The following RSRC1 variants were observed in gnomAD, a reference collection of about 807,000 sequenced individuals.
RSRC1 encodes the protein serine/Arginine-related protein 53.
In RSRC1, 39 loss-of-function variants were observed where a neutral mutation model predicts 49.1. The ratio of observed to expected loss-of-function variants is 0.79; its 90% confidence interval spans 0.61 to 1.04. The LOEUF (loss-of-function observed/expected upper bound fraction) is 1.04. RSRC1 is among the 50% of genes least tolerant of loss of function. The pLI is 0.00. For missense variants in RSRC1, 388 were observed against 402.4 expected (o/e 0.96, Z 0.31); for synonymous variants, 143 against 130.8 (o/e 1.09, Z -0.63).
intron 3 of RSRC1, among the ~76,000 whole-genome samples, chr3:158,130,857 G>A (rs981249006): frequency 3.9e-5 from 6 of 152,074 alleles, no homozygotes; most frequent in Non-Finnish European, 8.8e-5. Context: ...TTTGTATCCT[G>A]TAACCTTTCC....
rs1021775943 is a variant in RSRC1, at chr3:158,227,377, T to C, written c.494+24132T>C. On this transcript the variant is annotated intron_variant, in intron 4 of 9. Transcript: ENST00000611884. The stretch of plus-strand genomic sequence containing the variant: ...CTTTCCGCCGATTTTCTTCCTTTGC[T>C]TTCTACCGTTCCTTCCCTTTCTCTC... Among the ~76,000 whole-genome samples, 5 of 151,964 alleles carry C rather than the reference T, an allele frequency of 3.3e-5. No homozygotes were observed. The Admixed American group carries it at 3.3e-4, about 10-fold the overall frequency.
intron 6 of RSRC1, among the ~76,000 whole-genome samples, chr3:158,358,496 T>G (rs565362927): frequency 6.6e-6 from 1 of 152,214 alleles, no homozygotes; most frequent in Non-Finnish European, 1.5e-5. Flanking sequence ...CCATCACCAC[T>G]TGTTCTGTAA....
intron 1 of RSRC1, among the ~76,000 whole-genome samples, chr3:158,120,422 C>T (rs551248113): frequency 3.0e-4 from 46 of 151,682 alleles, no homozygotes; most frequent in East Asian, 2.3e-3. Context: ...GAGGGGCTGG[C>T]TCACCTGATG....
intron 3 of RSRC1, among the ~76,000 whole-genome samples, chr3:158,167,033 C>A (rs1263064412): frequency 8.6e-5 from 13 of 151,990 alleles, no homozygotes; most frequent in African/African-American, 2.9e-4. Context: ...GGATAGAATT[C>A]CCTTTTTTTT....
intron 4 of RSRC1, among the ~76,000 whole-genome samples, chr3:158,272,283 T>C (rs934518609): frequency 6.6e-6 from 1 of 152,096 alleles, no homozygotes; most frequent in African/African-American, 2.4e-5. Flanking sequence ...TAATGTACCA[T>C]TGAAGGCAGG....
At chr3:158,343,657 C>T (rs1364361960) in intron 5 of RSRC1, among the ~76,000 whole-genome samples, 1 of 152,098 alleles carries the variant, frequency 6.6e-6, no homozygotes, top group Non-Finnish European at 1.5e-5. Flanking sequence ...ATTCTAGACA[C>T]GAAGGCTATA....
intron 1 of RSRC1, among the ~76,000 whole-genome samples, chr3:158,118,924 C>T (rs1057239651): frequency 2.0e-5 from 3 of 152,164 alleles, no homozygotes; most frequent in African/African-American, 7.2e-5. Flanking sequence ...CAAGAATCCT[C>T]TTGAGGATAG....
chr3:158,343,933 A>G (rs2108219523), intron 5 of RSRC1, among the ~76,000 whole-genome samples: 1 of 152,266 alleles, frequency 6.6e-6, no homozygotes, highest in East Asian at 1.9e-4. Flanking sequence ...TTTGATAAAA[A>G]CTATAAACCA....
intron 5 of RSRC1, among the ~76,000 whole-genome samples, chr3:158,328,458 G>C (rs1729317958): frequency 6.6e-6 from 1 of 152,140 alleles, no homozygotes; most frequent in South Asian, 2.1e-4. Context: ...GCATTTGCTT[G>C]TCTGTAGAGG....
chr3:158,438,772 G>A (rs1231203692), intron 6 of RSRC1, among the ~76,000 whole-genome samples: 1 of 152,170 alleles, frequency 6.6e-6, no homozygotes, highest in Admixed American at 6.6e-5. Context: ...AGGACTTCAT[G>A]TCTAAAACAG....
At chr3:158,181,303 G>A (rs1038656154) in intron 3 of RSRC1, among the ~76,000 whole-genome samples, 3 of 152,186 alleles carry the variant, frequency 2.0e-5, no homozygotes, top group African/African-American at 7.2e-5. Flanking sequence ...GCATGCTAAG[G>A]ATCCTTTTTG....
At chr3:158,241,483 A>AT (rs946169639) in intron 4 of RSRC1, among the ~76,000 whole-genome samples, 8 of 151,192 alleles carry the variant, frequency 5.3e-5, no homozygotes, top group African/African-American at 9.7e-5. Flanking sequence ...TTATAAAAAT[A>AT]TTTTTTTTAA....
chr3:158,428,873 G>A (rs989680436), intron 6 of RSRC1, among the ~76,000 whole-genome samples: 3 of 151,842 alleles, frequency 2.0e-5, no homozygotes, highest in Non-Finnish European at 2.9e-5. Flanking sequence ...TGCTACTAGC[G>A]AGCACAGCTA....
At chr3:158,521,599 G>T (rs1287010926) in intron 7 of RSRC1, among the ~76,000 whole-genome samples, 3 of 152,092 alleles carry the variant, frequency 2.0e-5, no homozygotes, top group African/African-American at 7.2e-5. Context: ...GGGAAGACTT[G>T]CCTAAGATTA....
intron 4 of RSRC1, among the ~76,000 whole-genome samples, chr3:158,254,455 G>A (rs373777167): frequency 2.8e-4 from 42 of 151,542 alleles, no homozygotes; most frequent in African/African-American, 9.0e-4. Context: ...TTTTTGAGAC[G>A]GAGTCTCGCT....
intron 3 of RSRC1, among the ~76,000 whole-genome samples, chr3:158,195,466 G>A (rs1720541000): frequency 6.6e-6 from 1 of 151,846 alleles, no homozygotes; most frequent in Admixed American, 6.6e-5. Flanking sequence ...CACTCTGATG[G>A]TAGTTTCTTT....
chr3:158,513,971 T>G (rs1484368903), intron 7 of RSRC1, among the ~76,000 whole-genome samples: 1 of 152,174 alleles, frequency 6.6e-6, no homozygotes, highest in Admixed American at 6.5e-5. Flanking sequence ...GATATCCCCT[T>G]TATCATTTTT....
intron 6 of RSRC1, among the ~76,000 whole-genome samples, chr3:158,376,112 A>G (rs1362463178): frequency 3.1e-5 from 3 of 95,714 alleles, no homozygotes; most frequent in Non-Finnish European, 5.8e-5. Flanking sequence ...AGTCGTTCCT[A>G]TGGTCTACCT....
intron 7 of RSRC1, among the ~76,000 whole-genome samples, chr3:158,487,461 G>A (rs1441043424): frequency 4.6e-5 from 7 of 152,004 alleles, no homozygotes; most frequent in South Asian, 2.1e-4. Flanking sequence ...ACTGTTCGCC[G>A]GATAGCAGCT....
Sources: allele counts gnomAD v4.1 joint callset (sites outside exome capture counted in the v4.1 genomes callset), GRCh38; gene constraint gnomAD v4.1.1; transcripts MANE v1.5; gene names NCBI Gene and HGNC (gene_info 2026-07-23, HGNC 2026-07-21).